LRCH2: variants seen among roughly 807,000 people sequenced by gnomAD.
LRCH2 encodes the protein leucine-rich repeat and calponin homology domain-containing protein 2.
A neutral mutation model predicts 68.9 loss-of-function variants in LRCH2; 38 were observed. That is an observed-to-expected ratio of 0.55 (90% CI 0.43 to 0.72). The LOEUF (loss-of-function observed/expected upper bound fraction) is 0.72, where lower values mean the gene tolerates loss of function less well. LRCH2 is among the 30% of genes least tolerant of loss of function. The pLI, the probability that LRCH2 is intolerant of heterozygous loss-of-function variation, is 0.00. For missense variants in LRCH2, 528 were observed against 572.9 expected, an observed-to-expected ratio of 0.92 and a Z score of 0.80; for synonymous variants, 191 against 208.1, an observed-to-expected ratio of 0.92 and a Z score of 0.71.
Position 115,166,270 on chromosome X carries a change from T to C in LRCH2, c.1071A>G (p.Arg357=), listed in dbSNP as rs782506029. 2 of 1,190,390 alleles carry C rather than the reference T, an allele frequency of 1.7e-6. No homozygotes were observed. Among genetic ancestry groups the C allele is most frequent in the East Asian group, 6.0e-5 (2 of 33,572 alleles). ...AAATACTCACTTCTGTTGTGGATAA[T>C]CGTTTCTCTCCATTATCACTTCCAA... ...SGIGSDNGEK[R]LSTTEPSDDD... Residue 357 remains arginine, a synonymous_variant, in exon 7 of 21, where the codon CGA becomes CGG. Coordinates refer to ENST00000317135, the MANE Select transcript of LRCH2 (RefSeq NM_020871.4).
chrX:115,124,096 G>T, intron 16 of LRCH2, 94 bp from the exon 17 acceptor site: 1 of 442,750 alleles, frequency 2.3e-6, no homozygotes, highest in Non-Finnish European at 3.5e-6. Flanking sequence ...ATTCCAATTT[G>T]GGGAAATACT....
At chrX:115,201,175 T>C (rs1345882956) in intron 1 of LRCH2, among the ~76,000 whole-genome samples, 1 of 110,505 alleles carries the variant, frequency 9.0e-6, no homozygotes, top group African/African-American at 3.3e-5. Context: ...ATGAGACTCA[T>C]TCACTGTCAC....
chrX:115,198,071 T>G (rs2072904304), intron 1 of LRCH2, among the ~76,000 whole-genome samples: 1 of 105,685 alleles, frequency 9.5e-6, no homozygotes, highest in South Asian at 4.3e-4. Context: ...TGCTTTATTT[T>G]ATTTTTTTAT....
At chrX:115,200,110 C>G (rs1269094164) in intron 1 of LRCH2, among the ~76,000 whole-genome samples, 1 of 111,142 alleles carries the variant, frequency 9.0e-6, no homozygotes, top group Non-Finnish European at 1.9e-5. Flanking sequence ...GGAAACACAA[C>G]AAACCAAAAC....
In LRCH2 at chrX:115,133,733, G is replaced by A. The variant is rs2072265496; in HGVS notation, c.1696-3534C>T. ...CCCATATAAGAAAGCGAACTTAATC[G>A]ATCAATGTTGCATGTGTTCTGACTG... On this transcript the variant is annotated intron_variant, in intron 14 of 20. Transcript: ENST00000317135. 2.7e-5 allele frequency among the ~76,000 whole-genome samples: 3 copies of A among 111,548 alleles called. No homozygotes were observed. In the South Asian group the frequency reaches 1.1e-3, roughly 42 times the overall value.
chrX:115,119,319 A>G (rs1474009148), intron 20 of LRCH2, among the ~76,000 whole-genome samples: 70 of 106,623 alleles, frequency 6.6e-4, no homozygotes, highest in Non-Finnish European at 1.2e-3. Flanking sequence ...ACTTCAGCAA[A>G]GTCTCAGGAT....
intron 1 of LRCH2, among the ~76,000 whole-genome samples, chrX:115,220,965 A>G (rs896806568): frequency 4.6e-5 from 5 of 108,211 alleles, no homozygotes; most frequent in Non-Finnish European, 9.5e-5. Flanking sequence ...AGGCGGGTGG[A>G]TCACGAGGTC....
At chrX:115,195,206 C>T (rs781787113) in intron 1 of LRCH2, among the ~76,000 whole-genome samples, 20 of 109,199 alleles carry the variant, frequency 1.8e-4, no homozygotes, top group Non-Finnish European at 3.6e-4. Flanking sequence ...ATTGCTTGAA[C>T]CCGGGAGGCA....
At position 115,118,728 on chromosome X, in the gene LRCH2, C is replaced by T. The variant is rs1232067758; in HGVS notation, c.2178+3799G>A. ...GAGACACAACCAAAAAAGAGAATTT[C>T]AGACCAATATCCTTGATGAACATTG... On this transcript the variant is annotated intron_variant, in intron 20 of 20. Transcript: ENST00000317135. Among the ~76,000 whole-genome samples the T allele has an allele frequency of 4.5e-5, 5 of 111,139 alleles. No homozygotes were observed. In the South Asian group the frequency reaches 1.2e-3, roughly 26 times the overall value.
At chrX:115,145,436 G>A (rs1556535713) in intron 14 of LRCH2, among the ~76,000 whole-genome samples, 1 of 110,985 alleles carries the variant, frequency 9.0e-6, no homozygotes, top group Admixed American at 9.7e-5. Flanking sequence ...AAGCAAACAT[G>A]GAGAAATGGG....
chrX:115,126,839 G>A lies in LRCH2; in HGVS notation c.1791+4C>T. On this transcript the variant is annotated splice_donor_region_variant and intron_variant, in intron 16 of 20. Transcript: ENST00000317135. ...TTTAAGACAAATAAAAACAGAACTTGTACCTCAGATGATACTGGAGATTGT... is the reference window on the plus strand; with the variant it reads ...TTTAAGACAAATAAAAACAGAACTTATACCTCAGATGATACTGGAGATTGT... 9.2e-7 allele frequency: 1 copy of A among 1,091,788 alleles called. No individual in the cohort carries two copies. Among genetic ancestry groups the A allele is most frequent in the Non-Finnish European group, 1.2e-6 (1 of 835,422 alleles). The allele number at this position is 1,091,788 out of a possible 1,213,427, so 90.0% of individuals were successfully genotyped here.
intron 1 of LRCH2, among the ~76,000 whole-genome samples, chrX:115,231,643 T>C (rs782518959): frequency 2.7e-5 from 3 of 112,386 alleles, no homozygotes; most frequent in South Asian, 7.3e-4. Flanking sequence ...TGAACAGATA[T>C]GGTTCTGCTT....
At chrX:115,189,937 A>C in intron 1 of LRCH2, 1 of 1,157,734 alleles carries the variant, frequency 8.6e-7, no homozygotes, top group East Asian at 3.3e-5. Context: ...CAAGAGGGCC[A>C]CGCCGTCGAG....
intron 16 of LRCH2, 113 bp downstream of exon 16, chrX:115,126,730 A>C (rs1303143665): frequency 3.8e-6 from 2 of 531,511 alleles, no homozygotes; most frequent in East Asian, 4.5e-5. Context: ...TGAGTGAATA[A>C]ATTATATTGC....
chrX:115,149,802 A>T (rs782348301), intron 14 of LRCH2, 25 bp downstream of exon 14: 4 of 1,001,373 alleles, frequency 4.0e-6, no homozygotes, highest in Non-Finnish European at 5.4e-6. Flanking sequence ...TTACAAAGTA[A>T]ATTTAAAAAC....
At chrX:115,159,467 TCA>T (rs2072499727) in intron 11 of LRCH2, among the ~76,000 whole-genome samples, 1 of 110,287 alleles carries the variant, frequency 9.1e-6, no homozygotes, top group Non-Finnish European at 1.9e-5. Flanking sequence ...AAAAAAAAAT[TCA>T]GGCCCGGCGC....
intron 12 of LRCH2, among the ~76,000 whole-genome samples, chrX:115,152,430 AAC>A (rs1556538532): frequency 1.8e-5 from 2 of 112,150 alleles, no homozygotes; most frequent in African/African-American, 6.5e-5. Context: ...GAAAAGACTG[AAC>A]ATGTTAAGTA....
rs1250833808 is a variant in LRCH2, at chrX:115,202,774, A to T, written c.350-14404T>A. ...CTGTGGAATATCCATACAATGGAAT[A>T]GCTTCCAGGAAACAAGCTTTCAAGC... On this transcript the variant is annotated intron_variant, in intron 1 of 20. Coordinates refer to ENST00000317135, the MANE Select transcript of LRCH2 (RefSeq NM_020871.4). 5.4e-5 allele frequency among the ~76,000 whole-genome samples: 6 copies of T among 112,142 alleles called. No homozygotes were observed. In the Admixed American group the frequency reaches 5.7e-4, roughly 11 times the overall value.
intron 3 of LRCH2, among the ~76,000 whole-genome samples, chrX:115,182,070 T>C (rs781986034): frequency 3.6e-5 from 4 of 111,826 alleles, no homozygotes; most frequent in East Asian, 2.8e-4. Context: ...ATTTAGGTTA[T>C]ATGTAAATAT....
Sources: gnomAD v4.1 joint callset for allele counts (sites outside exome capture counted in the v4.1 genomes callset) on GRCh38, gnomAD v4.1.1 for gene constraint, MANE v1.5 for transcripts, NCBI Gene and HGNC (gene_info 2026-07-23, HGNC 2026-07-21) for gene names.